Variants in WDR11 observed in about 807,000 individuals in gnomAD.
The protein encoded by WDR11 is WD repeat domain 11.
In WDR11, 83 loss-of-function variants were observed where a neutral mutation model predicts 151.2. That is an observed-to-expected ratio of 0.55 (90% CI 0.46 to 0.66). WDR11 has a LOEUF of 0.66. Ranked by LOEUF, WDR11 falls within the 30% of genes least tolerant of loss-of-function variation. The probability of loss-of-function intolerance (pLI) is 0.00; values close to 1 mark genes in which losing one functional copy is unlikely to be tolerated. For missense variants in WDR11, 1,301 were observed against 1,480.9 expected (o/e 0.88, Z 1.99); for synonymous variants, 484 against 533.1 (o/e 0.91, Z 1.27).
In WDR11 at chr10:120,883,602, G is replaced by A. The variant is rs185560882; in HGVS notation, c.1740-178G>A. On this transcript the variant is annotated intron_variant, in intron 13 of 28. Coordinates refer to ENST00000263461, the MANE Select transcript of WDR11 (RefSeq NM_018117.12). ...GTGTGAGACTGTATGTTCTCTTACA[G>A]GTCACTTAGAGCTTTACCTTCTTAT... 9.9e-5 allele frequency among the ~76,000 whole-genome samples: 15 copies of A among 152,220 alleles called. No individual in the cohort carries two copies. In the East Asian group the frequency reaches 2.9e-3, roughly 29 times the overall value.
chr10:120,865,212 G>A lies in WDR11; in HGVS notation c.879G>A (p.Gln293=). Residue 293 remains glutamine (Q), a splice_region_variant and synonymous_variant, in exon 6 of 29, where the codon CAG becomes CAA. Transcript: ENST00000263461. The stretch of plus-strand genomic sequence containing the variant: ...AACGCACAGGAGTTCCATTTTTACA[G>A]GTATCTACAATTCATAAATTATATT... ...AIERTGVPFL[Q]VIPCFQRDGL... is the part of the protein sequence containing the mutation. The A allele has an allele frequency of 6.2e-7, 1 of 1,613,514 alleles. No individual in the cohort carries two copies. The highest frequency in any genetic ancestry group is 8.5e-7 in the Non-Finnish European group (1 of 1,179,592).
chr10:120,897,869 CAATATT>C (rs1287425325), intron 19 of WDR11, among the ~76,000 whole-genome samples: 4 of 151,880 alleles, frequency 2.6e-5, no homozygotes, highest in African/African-American at 7.3e-5. Context: ...TTTACTGAAT[CAATATT>C]AAAATTCTTG....
In WDR11 at chr10:120,851,392, A is replaced by C; in HGVS notation, c.-29A>C. 6.3e-7 allele frequency: 1 copy of C among 1,592,708 alleles called. No individual in the cohort carries two copies. Among genetic ancestry groups the C allele is most frequent in the Non-Finnish European group, 8.6e-7 (1 of 1,168,738 alleles). On this transcript the variant is annotated 5_prime_UTR_variant, in exon 1 of 29. Coordinates refer to ENST00000263461, the MANE Select transcript of WDR11 (RefSeq NM_018117.12). The stretch of plus-strand genomic sequence containing the variant: ...GTCCGCCGCTTCCTGGTTGCGGGTC[A>C]GCGCCCAGGTCCTGGGCTGGCCGCC...
intron 4 of WDR11, 78 bp downstream of exon 4, chr10:120,860,360 A>G (rs1846099931): frequency 6.7e-7 from 1 of 1,489,056 alleles, no homozygotes. Flanking sequence ...TGAGATATAC[A>G]CACACATTAT....
At chr10:120,908,013 G>A (rs1848131259) in intron 28 of WDR11, 1 of 160,322 alleles carries the variant, frequency 6.2e-6, no homozygotes, top group Non-Finnish European at 1.4e-5. Context: ...CTGGGAAGGT[G>A]ACTGGTTCAG....
At chr10:120,885,501 C>T (rs1847188451) in intron 14 of WDR11, among the ~76,000 whole-genome samples, 1 of 151,932 alleles carries the variant, frequency 6.6e-6, no homozygotes, top group Non-Finnish European at 1.5e-5. Context: ...ATTGTCTTAT[C>T]GTGTGCACAT....
intron 3 of WDR11, 56 bp downstream of exon 3, chr10:120,858,852 G>GT: frequency 6.2e-7 from 1 of 1,608,082 alleles, no homozygotes; most frequent in Admixed American, 1.7e-5. Context: ...TCTTGGAGTG[G>GT]TTTTTTGGTT....
chr10:120,884,891 A>G (rs1550350), intron 14 of WDR11: 8,136 of 152,334 alleles, frequency 0.053, 280 homozygotes, highest in Non-Finnish European at 0.065. Context: ...TCAAACCATG[A>G]TATGGATCTA....
chr10:120,890,203 T>C (rs1250604982), intron 18 of WDR11, among the ~76,000 whole-genome samples, 194 bp downstream of exon 18: 1 of 151,962 alleles, frequency 6.6e-6, no homozygotes, highest in Admixed American at 6.6e-5. Flanking sequence ...TTTATTTATT[T>C]ATTTATTTAT....
intron 11 of WDR11, among the ~76,000 whole-genome samples, chr10:120,874,176 GTT>G (rs66873217): frequency 0.015 from 1,254 of 83,494 alleles, 35 homozygotes; most frequent in East Asian, 0.054. Context: ...GGTTTTTGCA[GTT>G]TTTTTTTTTT....
At chr10:120,902,484 A>C (rs557436616) in intron 22 of WDR11, among the ~76,000 whole-genome samples, 162 bp downstream of exon 22, 1 of 152,324 alleles carries the variant, frequency 6.6e-6, no homozygotes, top group East Asian at 1.9e-4. Flanking sequence ...ACAAATAGGG[A>C]AAAATCAAAT....
At chr10:120,859,875 T>C (rs1678053198) in intron 3 of WDR11, among the ~76,000 whole-genome samples, 2 of 152,172 alleles carry the variant, frequency 1.3e-5, no homozygotes, top group Admixed American at 6.5e-5. Context: ...TATTTCAGAT[T>C]ACTTCAAAAT....
At chr10:120,869,636 A>T (rs1331870159) in intron 9 of WDR11, among the ~76,000 whole-genome samples, 1 of 152,184 alleles carries the variant, frequency 6.6e-6, no homozygotes, top group African/African-American at 2.4e-5. Context: ...GCTGATACTT[A>T]TTAAGGCCTA....
In WDR11 at chr10:120,886,648, G is replaced by GAA. The variant is rs11395714; in HGVS notation, c.1974-33_1974-32dup. The GAA allele has an allele frequency of 1.0e-3, 1,601 of 1,568,582 alleles. 6 individuals are homozygous for GAA. In the African/African-American group the frequency reaches 0.013, roughly 13 times the overall value. ...ATTAATTATGAGTATCACTCTAGGG[G>GAA]AAAAAAAAACATCTTTATCATATGT... On this transcript the variant is annotated intron_variant, in intron 15 of 28. Coordinates refer to ENST00000263461, the MANE Select transcript of WDR11 (RefSeq NM_018117.12).
intron 12 of WDR11, 117 bp downstream of exon 12, chr10:120,878,576 T>C: frequency 1.3e-6 from 1 of 771,226 alleles, no homozygotes; most frequent in Non-Finnish European, 2.1e-6. Context: ...TTCATGCTTA[T>C]ATATTTATTC....
intron 17 of WDR11, 49 bp downstream of exon 17, chr10:120,889,233 A>C (rs1847332788): frequency 9.6e-7 from 1 of 1,041,432 alleles, no homozygotes; most frequent in African/African-American, 2.1e-5. Flanking sequence ...AAAAGAAATG[A>C]AATCTTTTTG....
At chr10:120,880,369 C>A in intron 12 of WDR11, 1 of 158,306 alleles carries the variant, frequency 6.3e-6, no homozygotes, top group Admixed American at 6.1e-5. Flanking sequence ...TTAGAAACAG[C>A]TTAGAAGGAA....
At chr10:120,865,597 G>GT in intron 6 of WDR11, 33 bp from the exon 7 acceptor site, 1 of 1,414,154 alleles carries the variant, frequency 7.1e-7, no homozygotes, top group East Asian at 2.4e-5. Context: ...AATCTATTGT[G>GT]TTTTAAAAAA....
chr10:120,899,850 A>G (rs775703777), intron 19 of WDR11, 179 bp from the exon 20 acceptor site: 50 of 622,530 alleles, frequency 8.0e-5, no homozygotes, highest in South Asian at 1.9e-4. Context: ...ATTTGAATGC[A>G]GAGACTCTCT....
Sources: gnomAD v4.1 joint callset for allele counts (sites outside exome capture counted in the v4.1 genomes callset) on GRCh38, gnomAD v4.1.1 for gene constraint, MANE v1.5 for transcripts, NCBI Gene and HGNC (gene_info 2026-07-23, HGNC 2026-07-21) for gene names.